KLHL32: variants seen among roughly 807,000 people sequenced by gnomAD.
KLHL32 encodes kelch-like protein 32.
Under a neutral mutation model 64.8 loss-of-function variants are expected in KLHL32, and 35 were observed. That is an observed-to-expected ratio of 0.54 (90% CI 0.41 to 0.72). The LOEUF (loss-of-function observed/expected upper bound fraction) is 0.72. Ranked by LOEUF, KLHL32 falls within the 30% of genes least tolerant of loss-of-function variation. The pLI is 0.00. For missense variants in KLHL32, 589 were observed against 768.5 expected, an observed-to-expected ratio of 0.77 and a Z score of 2.76; for synonymous variants, 259 against 281.0, an observed-to-expected ratio of 0.92 and a Z score of 0.78.
At chr6:96,925,203 C>T (rs1768993635) in intron 1 of KLHL32, among the ~76,000 whole-genome samples, 177 bp downstream of exon 1, 1 of 152,196 alleles carries the variant, frequency 6.6e-6, no homozygotes, top group African/African-American at 2.4e-5. Flanking sequence ...CTTATGCTGC[C>T]AGCCCTGGAG....
chr6:97,091,981 C>CTTTTTTT (rs11340950), intron 6 of KLHL32, among the ~76,000 whole-genome samples: 8 of 132,364 alleles, frequency 6.0e-5, no homozygotes, highest in East Asian at 2.1e-4. Context: ...CTCTTTCTTT[C>CTTTTTTT]TTTTTTTTTT....
intron 3 of KLHL32, among the ~76,000 whole-genome samples, chr6:97,015,097 C>A (rs1048193896): frequency 6.6e-6 from 1 of 152,132 alleles, no homozygotes; most frequent in Non-Finnish European, 1.5e-5. Flanking sequence ...TCCTTGCTTG[C>A]CCCTTGCCTT....
chr6:96,924,203 A>G (rs1768865881), upstream of KLHL32, among the ~76,000 whole-genome samples: 1 of 152,142 alleles, frequency 6.6e-6, no homozygotes, highest in African/African-American at 2.4e-5. Flanking sequence ...GGCAACTTGA[A>G]CTTCACAAGT....
chr6:97,113,318 G>T (rs1797413074), intron 6 of KLHL32, among the ~76,000 whole-genome samples: 1 of 152,092 alleles, frequency 6.6e-6, no homozygotes, highest in Non-Finnish European at 1.5e-5. Context: ...GGTCTCAGAT[G>T]ATCACATATT....
chr6:96,943,576 A>C (rs1243440553), intron 1 of KLHL32, among the ~76,000 whole-genome samples: 1 of 152,180 alleles, frequency 6.6e-6, no homozygotes, highest in East Asian at 1.9e-4. Context: ...AGGGAAACAA[A>C]CTGGCTTGGC....
At chr6:97,128,511 A>G (rs1370573788) in intron 8 of KLHL32, among the ~76,000 whole-genome samples, 2 of 152,216 alleles carry the variant, frequency 1.3e-5, no homozygotes, top group African/African-American at 4.8e-5. Flanking sequence ...TTCTGCTGGC[A>G]TATTGTTTAC....
chr6:97,132,817 A>G (rs1318919050), intron 10 of KLHL32, 70 bp downstream of exon 10: 5 of 1,057,976 alleles, frequency 4.7e-6, no homozygotes, highest in Non-Finnish European at 7.1e-6. Context: ...CAATGCTGCT[A>G]CTGAAGAAAG....
chr6:97,134,381 T>C (rs1799767867), intron 10 of KLHL32, among the ~76,000 whole-genome samples: 1 of 152,244 alleles, frequency 6.6e-6, no homozygotes, highest in Admixed American at 6.5e-5. Context: ...AGCTTCGTCC[T>C]GTCTTTCGGA....
upstream of KLHL32, among the ~76,000 whole-genome samples, chr6:96,920,851 C>T (rs1768731456): frequency 1.3e-5 from 2 of 152,074 alleles, no homozygotes; most frequent in Admixed American, 1.3e-4. Flanking sequence ...TCATGAGTAT[C>T]CTTTCACATA....
At chr6:97,019,211 G>A (rs950786547) in intron 3 of KLHL32, among the ~76,000 whole-genome samples, 1 of 152,152 alleles carries the variant, frequency 6.6e-6, no homozygotes, top group Non-Finnish European at 1.5e-5. Context: ...AAAAAGCAGC[G>A]TTCTTAATAT....
At chr6:96,920,131 G>T (rs1768707662), upstream of KLHL32, among the ~76,000 whole-genome samples, 2 of 152,176 alleles carry the variant, frequency 1.3e-5, no homozygotes. Flanking sequence ...CCCTGGGCTG[G>T]GATGATGGGA....
chr6:97,133,159 A>C (rs1203989251), intron 10 of KLHL32, among the ~76,000 whole-genome samples: 1 of 152,128 alleles, frequency 6.6e-6, no homozygotes, highest in East Asian at 1.9e-4. Context: ...GCCACCTACA[A>C]GGGTGTTCTT....
chr6:97,103,104 G>A lies in KLHL32; in HGVS notation c.628-10679G>A, dbSNP rs563698453. 2.3e-4 allele frequency among the ~76,000 whole-genome samples: 35 copies of A among 150,878 alleles called. No homozygotes were observed. In the South Asian group the frequency reaches 2.9e-3, roughly 13 times the overall value. ...ATATGCCCATTATATATAAATAAAC[G>A]TATATAAATGTAAATATACCACTGT... On this transcript the variant is annotated intron_variant, in intron 6 of 10. Transcript: ENST00000369261.
chr6:97,134,893 T>A (rs1799828031), intron 10 of KLHL32, among the ~76,000 whole-genome samples: 2 of 152,220 alleles, frequency 1.3e-5, no homozygotes, highest in South Asian at 4.1e-4. Context: ...ATTTGTTTTT[T>A]GTCACCAAAG....
chr6:97,028,067 C>T (rs1206928512), intron 3 of KLHL32, among the ~76,000 whole-genome samples: 1 of 152,114 alleles, frequency 6.6e-6, no homozygotes, highest in African/African-American at 2.4e-5. Flanking sequence ...CTCATCACTT[C>T]AAGTATTCAA....
At chr6:97,064,891 C>T (rs1466414058) in intron 5 of KLHL32, among the ~76,000 whole-genome samples, 165 bp downstream of exon 5, 2 of 152,096 alleles carry the variant, frequency 1.3e-5, no homozygotes, top group African/African-American at 4.8e-5. Context: ...CCTAGGAGGG[C>T]GGCTGCAGCT....
chr6:97,120,291 C>G (rs1798228867), intron 7 of KLHL32, among the ~76,000 whole-genome samples: 1 of 152,080 alleles, frequency 6.6e-6, no homozygotes, highest in Non-Finnish European at 1.5e-5. Flanking sequence ...GAGGAGGTTT[C>G]TTGTAGATTG....
chr6:96,950,310 C>CTCAT (rs1562184924), intron 1 of KLHL32, among the ~76,000 whole-genome samples: 1 of 151,796 alleles, frequency 6.6e-6, no homozygotes, highest in East Asian at 1.9e-4. Context: ...AGGAACATAG[C>CTCAT]TCATTCTAGC....
intron 3 of KLHL32, among the ~76,000 whole-genome samples, chr6:96,986,912 G>A (rs1777170396): frequency 6.6e-6 from 1 of 152,180 alleles, no homozygotes. Flanking sequence ...CCAGTGAGAT[G>A]AACCCAGTAC....
Sources: gnomAD v4.1 joint callset for allele counts (sites outside exome capture counted in the v4.1 genomes callset) on GRCh38, gnomAD v4.1.1 for gene constraint, MANE v1.5 for transcripts, NCBI Gene and HGNC (gene_info 2026-07-23, HGNC 2026-07-21) for gene names.